Variants in PWWP2A observed in about 807,000 individuals in gnomAD.
PWWP2A encodes PWWP domain containing 2A, also known as PWWP domain-containing protein 2A.
A neutral mutation model predicts 48.5 loss-of-function variants in PWWP2A; 18 were observed. The ratio of observed to expected loss-of-function variants is 0.37; its 90% confidence interval spans 0.26 to 0.55. PWWP2A has a LOEUF of 0.55. Ranked by LOEUF, PWWP2A falls within the 20% of genes least tolerant of loss-of-function variation. The pLI is 0.81. For synonymous variants in PWWP2A, 396 were observed against 387.7 expected, an observed-to-expected ratio of 1.02 and a Z score of -0.25; for missense variants, 867 against 976.4, an observed-to-expected ratio of 0.89 and a Z score of 1.49.
chr5:160,089,828 T>C (rs1221906352), downstream of PWWP2A: 2 of 985,298 alleles, frequency 2.0e-6, no homozygotes, highest in Admixed American at 6.2e-5. Context: ...TATCTCCATA[T>C]CAAGAATAAG....
intron 4 of PWWP2A, chr5:160,063,682 AAAATT>A (rs1753502443): frequency 6.6e-6 from 1 of 152,346 alleles, no homozygotes; most frequent in East Asian, 1.9e-4. Context: ...ACCTGTAAGA[AAAATT>A]AAAGCAGTTT....
At chr5:160,114,467 GAA>G (rs1040560913) in intron 1 of PWWP2A, among the ~76,000 whole-genome samples, 3 of 149,460 alleles carry the variant, frequency 2.0e-5, no homozygotes, top group Non-Finnish European at 4.4e-5. Context: ...TCAAAAAAAA[GAA>G]AAAGAGTTCA....
At chr5:160,088,555 C>T (rs77742011), downstream of PWWP2A, among the ~76,000 whole-genome samples, 13,014 of 152,140 alleles carry the variant, frequency 0.086, 737 homozygotes, top group Admixed American at 0.19. Flanking sequence ...CAGCCATATC[C>T]GGCATTTTTT....
At chr5:160,116,774 C>T (rs1758183301) in intron 1 of PWWP2A, 1 of 985,222 alleles carries the variant, frequency 1.0e-6, no homozygotes, top group African/African-American at 1.7e-5. Flanking sequence ...ACAGCATACA[C>T]ACCAGAGTGT....
intron 4 of PWWP2A, among the ~76,000 whole-genome samples, chr5:160,063,966 CTTTTTTTTTT>C (rs34967107): frequency 1.9e-5 from 2 of 106,672 alleles, no homozygotes; most frequent in East Asian, 2.8e-4. Flanking sequence ...TAGACCATGA[CTTTTTTTTTT>C]TTTTTTTTTT....
rs1755184791 is a variant in PWWP2A at position 160,092,516 on chromosome 5, A to C, written c.2134T>G (p.Phe712Val). 1.3e-6 allele frequency: 2 copies of C among 1,551,524 alleles called. No homozygotes were observed. The highest frequency in any genetic ancestry group is 8.7e-7 in the Non-Finnish European group (1 of 1,146,988). The change falls in exon 2 of 2, where the codon TTT becomes GTT. Residue 712 changes from phenylalanine to valine, a missense_variant. By Grantham distance (50) the Phe-to-Val change is conservative. Around this residue, in one of 4 missense-constraint regions of PWWP2A, gnomAD observed 97 missense variants for 151.7 expected, o/e 0.64. Coordinates refer to ENST00000307063, the MANE Select transcript of PWWP2A (RefSeq NM_001130864.2). Reference protein sequence around the residue: ...SFLALSQLSPFLENFQSRFNK... With the variant: ...SFLALSQLSPVLENFQSRFNK... ...AAGCGTGACTGGAAGTTTTCTAAAAAGGGGGAGAGTTGTGAAAGAGCAAGG... is the reference window on the plus strand; with the variant it reads ...AAGCGTGACTGGAAGTTTTCTAAAACGGGGGAGAGTTGTGAAAGAGCAAGG...
chr5:160,109,774 AATATATATATATATATATATATAT>A (rs1223846862), intron 1 of PWWP2A, among the ~76,000 whole-genome samples: 12 of 25,236 alleles, frequency 4.8e-4, no homozygotes, highest in Non-Finnish European at 7.8e-4. Flanking sequence ...AAAAAAAAAA[AATATATATATATATATATATATAT>A]ATATATATAT....
chr5:160,072,937 G>C (rs1049364506), downstream of PWWP2A, among the ~76,000 whole-genome samples: 11 of 148,080 alleles, frequency 7.4e-5, no homozygotes, highest in African/African-American at 2.7e-4. Context: ...CTGGGAGGCG[G>C]AAGTTGCAGT....
At chr5:160,055,459 C>T in the PWWP2A span, among the ~76,000 whole-genome samples, 2 of 152,204 alleles carry the variant, frequency 1.3e-5, no homozygotes, top group African/African-American at 4.8e-5. Context: ...AATATAAGCT[C>T]TCTCATCAAG....
downstream of PWWP2A, among the ~76,000 whole-genome samples, chr5:160,087,939 T>C (rs1347236368): frequency 2.0e-5 from 3 of 152,208 alleles, no homozygotes; most frequent in Non-Finnish European, 4.4e-5. Flanking sequence ...AAACTAAAAA[T>C]ATACAGATCA....
chr5:160,082,227 G>A (rs904731086), intron 2 of PWWP2A, among the ~76,000 whole-genome samples: 15 of 151,922 alleles, frequency 9.9e-5, no homozygotes, highest in Non-Finnish European at 1.9e-4. Flanking sequence ...GGTGGATCAC[G>A]AGGTCAGGAG....
downstream of PWWP2A, chr5:160,075,850 TA>T (rs1435233207): frequency 7.2e-6 from 1 of 139,058 alleles, no homozygotes; most frequent in Non-Finnish European, 1.6e-5. Flanking sequence ...AACTAACTCC[TA>T]AAAAGTAAAC....
At chr5:160,091,149 T>C (rs1755024770), downstream of PWWP2A, 1 of 979,534 alleles carries the variant, frequency 1.0e-6, no homozygotes. Flanking sequence ...TACTACAAAA[T>C]CTTATTTTGA....
chr5:160,053,115 T>C, the PWWP2A span, among the ~76,000 whole-genome samples: 4 of 152,114 alleles, frequency 2.6e-5, no homozygotes, highest in Non-Finnish European at 4.4e-5. Flanking sequence ...TTCCTCCTTG[T>C]TGCTGATGAG....
the PWWP2A span, among the ~76,000 whole-genome samples, chr5:160,048,985 C>T: frequency 2.6e-5 from 4 of 152,078 alleles, no homozygotes; most frequent in Non-Finnish European, 5.9e-5. Context: ...TTTCACTGCG[C>T]ACTTGAACTC....
chr5:160,048,126 CTTTTTTTTTTTTTTTTTTTTTTTT>C, the PWWP2A span, among the ~76,000 whole-genome samples: 2 of 35,538 alleles, frequency 5.6e-5, no homozygotes, highest in African/African-American at 2.4e-4. Flanking sequence ...CAAGACATTG[CTTTTTTTTTTTTTTTTTTTTTTTT>C]TTTTTTTTTT....
At chr5:160,051,334 C>T in the PWWP2A span, 3 of 576,172 alleles carry the variant, frequency 5.2e-6, no homozygotes, top group Non-Finnish European at 8.8e-6. Flanking sequence ...CCAGAAGGGG[C>T]AGCGTGGCTT....
chr5:160,055,398 G>T, the PWWP2A span, among the ~76,000 whole-genome samples: 103 of 152,268 alleles, frequency 6.8e-4, no homozygotes, highest in African/African-American at 2.1e-3. Flanking sequence ...CCCTACCCAG[G>T]CAGCTTTAGC....
chr5:160,073,167 A>G (rs1292324707), downstream of PWWP2A, among the ~76,000 whole-genome samples: 3 of 152,040 alleles, frequency 2.0e-5, no homozygotes, highest in African/African-American at 7.2e-5. Flanking sequence ...GATAGAACTG[A>G]TAACAGAATC....
Sources: gnomAD v4.1 joint callset for allele counts (sites outside exome capture counted in the v4.1 genomes callset) on GRCh38, gnomAD v4.1.1 for gene constraint, gnomAD v4.1.1 regional missense constraint, MANE v1.5 for transcripts, NCBI Gene and HGNC (gene_info 2026-07-23, HGNC 2026-07-21) for gene names.